PTPN13: variants seen among roughly 807,000 people sequenced by gnomAD.
PTPN13 encodes protein tyrosine phosphatase non-receptor type 13.
PTPN13 carries 191 observed loss-of-function variants against 284.0 expected under a neutral mutation model. That is an observed-to-expected ratio of 0.67 (90% CI 0.60 to 0.76). PTPN13 has a LOEUF of 0.76. Among genes scored for constraint, PTPN13 ranks in the 30% least tolerant of loss-of-function variants. PTPN13 has a pLI of 0.00. For synonymous variants in PTPN13, 986 were observed against 1,022.3 expected, an observed-to-expected ratio of 0.96 and a Z score of 0.68; for missense variants, 2,797 against 2,939.9, an observed-to-expected ratio of 0.95 and a Z score of 1.12.
chr4:86,814,067 G>T (rs1490283309), intron 47 of PTPN13, among the ~76,000 whole-genome samples: 1 of 143,200 alleles, frequency 7.0e-6, no homozygotes. Flanking sequence ...GAGTGCAGTG[G>T]CACAATCTCG....
intron 1 of PTPN13, among the ~76,000 whole-genome samples, chr4:86,606,106 A>G (rs1042402594): frequency 4.6e-5 from 7 of 151,898 alleles, no homozygotes; most frequent in Non-Finnish European, 8.8e-5. Context: ...AATTTGCTCA[A>G]TAAGCCAACT....
At chr4:86,604,069 G>A (rs1357238369) in intron 1 of PTPN13, among the ~76,000 whole-genome samples, 2 of 151,972 alleles carry the variant, frequency 1.3e-5, no homozygotes, top group Admixed American at 1.3e-4. Context: ...TAGCTTTTGT[G>A]AAAACTGAAT....
At chr4:86,747,537 AGCAGCAGCAGCG>A (rs1331708276) in intron 17 of PTPN13, among the ~76,000 whole-genome samples, 173 of 141,786 alleles carry the variant, frequency 1.2e-3, no homozygotes, top group African/African-American at 4.5e-3. Context: ...TAATAGTAGC[AGCAGCAGCAGCG>A]GCAGCAGCAG....
intron 17 of PTPN13, among the ~76,000 whole-genome samples, chr4:86,747,533 T>TAGC (rs72329456): frequency 4.0e-5 from 6 of 151,540 alleles, no homozygotes; most frequent in African/African-American, 9.8e-5. Flanking sequence ...GCGGTAATAG[T>TAGC]AGCAGCAGCA....
In PTPN13 at chr4:86,775,523, T is replaced by C. The variant is rs1740535463; in HGVS notation, c.5762T>C (p.Ile1921Thr). Residue 1921 changes from isoleucine (I) to threonine (T), a missense_variant, in exon 35 of 48, where the codon ATT (isoleucine) becomes ACT (threonine). Ile to Thr is a moderately conservative substitution (Grantham distance 89, BLOSUM62 -1). Coordinates refer to ENST00000411767, the MANE Select transcript of PTPN13 (RefSeq NM_080683.3). ...SDINPRSVAA[I>T]EGNLQLLDVI... ...ATTAATCCAAGGTCCGTCGCAGCCATTGAGGGTAATCTCCAGCTATTAGAT... is the reference window on the plus strand; with the variant it reads ...ATTAATCCAAGGTCCGTCGCAGCCACTGAGGGTAATCTCCAGCTATTAGAT... The C allele has an allele frequency of 2.5e-6, 4 of 1,613,114 alleles. No individual in the cohort carries two copies. Among genetic ancestry groups the C allele is most frequent in the Non-Finnish European group, 3.4e-6 (4 of 1,179,202 alleles).
intron 1 of PTPN13, among the ~76,000 whole-genome samples, chr4:86,620,731 C>G (rs943203319): frequency 6.6e-6 from 1 of 152,182 alleles, no homozygotes; most frequent in Non-Finnish European, 1.5e-5. Flanking sequence ...TCTAACTTAA[C>G]AAAGGAAATA....
At chr4:86,739,195 A>AT (rs1182107292) in intron 15 of PTPN13, among the ~76,000 whole-genome samples, 1 of 152,024 alleles carries the variant, frequency 6.6e-6, no homozygotes, top group Non-Finnish European at 1.5e-5. Context: ...GTTGAAATTC[A>AT]TTTTTTTAGC....
intron 35 of PTPN13, among the ~76,000 whole-genome samples, chr4:86,778,325 G>A (rs116186232): frequency 6.6e-6 from 1 of 152,300 alleles, no homozygotes; most frequent in African/African-American, 2.4e-5. Flanking sequence ...GATACTGGCA[G>A]AAGACATAAA....
chr4:86,722,189 C>A, intron 9 of PTPN13, 23 bp from the exon 10 acceptor site: 2 of 1,571,020 alleles, frequency 1.3e-6, no homozygotes, highest in South Asian at 1.1e-5. Flanking sequence ...CCAATCCTCA[C>A]CTGTCTCCTC....
intron 23 of PTPN13, among the ~76,000 whole-genome samples, chr4:86,761,833 C>T (rs1032955402): frequency 6.6e-6 from 1 of 152,150 alleles, no homozygotes; most frequent in African/African-American, 2.4e-5. Flanking sequence ...AATATTTTCT[C>T]TCCAGTTGCT....
chr4:86,675,500 C>G (rs1413342153), intron 3 of PTPN13, among the ~76,000 whole-genome samples: 3 of 152,122 alleles, frequency 2.0e-5, no homozygotes, highest in Non-Finnish European at 4.4e-5. Context: ...TAAATGCTTG[C>G]TGTTGATGAC....
rs750236150 is a variant in PTPN13, at chr4:86,811,090, C to A, written c.7344C>A (p.His2448Gln). Residue 2448 changes from histidine to glutamine, a missense_variant, in exon 47 of 48, where the codon CAC (histidine) becomes CAA (glutamine). Coordinates refer to ENST00000411767, the MANE Select transcript of PTPN13 (RefSeq NM_080683.3). ...TGCGCTGCATGAGACTACAAAGACA[C>A]GGAATGGTTCAGACAGAGGTGAGTC... Reference protein sequence around the residue: ...DLVRCMRLQRHGMVQTEDQYI... With the variant: ...DLVRCMRLQRQGMVQTEDQYI... The A allele has an allele frequency of 1.9e-6, 3 of 1,613,292 alleles. No homozygotes were observed. Among genetic ancestry groups the A allele is most frequent in the East Asian group, 4.5e-5 (2 of 44,868 alleles).
At chr4:86,638,693 G>C (rs972688783) in intron 2 of PTPN13, among the ~76,000 whole-genome samples, 16 of 152,260 alleles carry the variant, frequency 1.1e-4, no homozygotes, top group South Asian at 4.1e-4. Context: ...ATGGATTAAA[G>C]ATTTAAACGT....
intron 35 of PTPN13, among the ~76,000 whole-genome samples, chr4:86,777,888 A>G (rs1317375932): frequency 6.6e-6 from 1 of 152,198 alleles, no homozygotes; most frequent in Non-Finnish European, 1.5e-5. Flanking sequence ...AGGGGAGGGA[A>G]GTCTTCAAAC....
chr4:86,617,318 G>A (rs564893067), intron 1 of PTPN13, among the ~76,000 whole-genome samples: 4 of 152,114 alleles, frequency 2.6e-5, no homozygotes, highest in African/African-American at 9.7e-5. Context: ...GACGGTCCTC[G>A]ACTTAGGAGG....
chr4:86,722,555 T>G, intron 10 of PTPN13, 121 bp downstream of exon 10: 2 of 695,854 alleles, frequency 2.9e-6, no homozygotes, highest in Non-Finnish European at 5.0e-6. Flanking sequence ...GAAACTGAAA[T>G]CCCATATTCA....
At chr4:86,599,300 C>CT (rs1175721665) in intron 1 of PTPN13, among the ~76,000 whole-genome samples, 5 of 151,998 alleles carry the variant, frequency 3.3e-5, no homozygotes, top group Non-Finnish European at 7.4e-5. Flanking sequence ...CTATATAAAT[C>CT]TTAAGAATTT....
chr4:86,644,382 C>G (rs959550447), intron 2 of PTPN13, among the ~76,000 whole-genome samples: 3 of 152,118 alleles, frequency 2.0e-5, no homozygotes, highest in Non-Finnish European at 4.4e-5. Flanking sequence ...TCAAGCGACC[C>G]GCTCGCATCA....
Position 86,758,339 on chromosome 4 carries a change from G to C in PTPN13, c.3303G>C (p.Lys1101Asn). 6.2e-7 allele frequency: 1 copy of C among 1,607,522 alleles called. No homozygotes were observed. Among genetic ancestry groups the C allele is most frequent in the Non-Finnish European group, 8.5e-7 (1 of 1,175,452 alleles). The change falls in exon 21 of 48, where the codon AAG (lysine) becomes AAC (asparagine). Residue 1101 changes from lysine (K) to asparagine (N), a missense_variant. Coordinates refer to ENST00000411767, the MANE Select transcript of PTPN13 (RefSeq NM_080683.3). The part of the protein sequence containing the change: ...ITLVNLKKDA[K>N]YGLGFQIIGG... ...TAGTGAACCTGAAAAAAGATGCAAA[G>C]TATGGCTTGGGTAAGTCACCGTGAG... is the stretch of plus-strand genomic sequence containing the variant.
Sources: gnomAD v4.1 joint callset for allele counts (sites outside exome capture counted in the v4.1 genomes callset) on GRCh38, gnomAD v4.1.1 for gene constraint, MANE v1.5 for transcripts, NCBI Gene and HGNC (gene_info 2026-07-23, HGNC 2026-07-21) for gene names.